The following NRXN3 variants were observed in gnomAD, a reference collection of about 807,000 sequenced individuals.
NRXN3 encodes the protein neurexin III.
Under a neutral mutation model 137.6 loss-of-function variants are expected in NRXN3, and 32 were observed. The ratio of observed to expected loss-of-function variants is 0.23; its 90% confidence interval spans 0.18 to 0.31. The LOEUF (loss-of-function observed/expected upper bound fraction) is 0.31. Ranked by LOEUF, NRXN3 falls within the 10% of genes least tolerant of loss-of-function variation. The pLI is 1.00. For missense variants in NRXN3, 1,574 were observed against 2,062.5 expected, an observed-to-expected ratio of 0.76 and a Z score of 4.59; for synonymous variants, 798 against 784.5, an observed-to-expected ratio of 1.02 and a Z score of -0.29.
intron 19 of NRXN3, among the ~76,000 whole-genome samples, chr14:79,713,734 CTTA>C (rs949832855): frequency 2.4e-4 from 36 of 150,462 alleles, no homozygotes; most frequent in Non-Finnish European, 4.1e-4. Context: ...CTTAAGAGCC[CTTA>C]TTTTTTTTTT....
At chr14:79,016,773 T>C (rs1217917427) in intron 15 of NRXN3, among the ~76,000 whole-genome samples, 1 of 152,228 alleles carries the variant, frequency 6.6e-6, no homozygotes, top group Non-Finnish European at 1.5e-5. Flanking sequence ...GCATTTCTTC[T>C]TACTCGCCAA....
intron 15 of NRXN3, among the ~76,000 whole-genome samples, chr14:79,282,743 T>C (rs549006331): frequency 6.6e-6 from 1 of 152,240 alleles, no homozygotes; most frequent in South Asian, 2.1e-4. Context: ...TAGAGTACAG[T>C]GAACTCCATC....
chr14:78,289,283 C>T (rs1180103793), intron 3 of NRXN3, among the ~76,000 whole-genome samples: 1 of 152,168 alleles, frequency 6.6e-6, no homozygotes, highest in Non-Finnish European at 1.5e-5. Context: ...GTAGTGGTGA[C>T]AGGCTATTGT....
chr14:79,036,754 G>A (rs936477460), intron 15 of NRXN3, among the ~76,000 whole-genome samples: 3 of 151,648 alleles, frequency 2.0e-5, no homozygotes, highest in African/African-American at 7.3e-5. Context: ...TACTCAAGAT[G>A]TATACTAAGA....
intron 16 of NRXN3, among the ~76,000 whole-genome samples, chr14:79,564,393 A>T (rs2097529259): frequency 6.6e-6 from 1 of 152,140 alleles, no homozygotes; most frequent in African/African-American, 2.4e-5. Flanking sequence ...CTTTAGTAGA[A>T]TGTGCTTTAT....
intron 11 of NRXN3, among the ~76,000 whole-genome samples, chr14:78,959,911 G>A (rs912389262): frequency 1.3e-5 from 2 of 152,046 alleles, no homozygotes; most frequent in African/African-American, 4.8e-5. Context: ...GATCTCTCCT[G>A]ACAGTGAGTT....
At chr14:79,510,796 G>A (rs970461523) in intron 16 of NRXN3, among the ~76,000 whole-genome samples, 7 of 152,158 alleles carry the variant, frequency 4.6e-5, no homozygotes, top group African/African-American at 1.7e-4. Context: ...TGAGAAATAA[G>A]TGCTGTTCCA....
intron 1 of NRXN3, among the ~76,000 whole-genome samples, chr14:78,194,279 AGGCT>A (rs2061026637): frequency 6.6e-6 from 1 of 152,128 alleles, no homozygotes; most frequent in Admixed American, 6.6e-5. Context: ...TTTACCATGG[AGGCT>A]CATATCTGGT....
At chr14:79,549,959 G>A (rs2097358125) in intron 16 of NRXN3, among the ~76,000 whole-genome samples, 1 of 113,340 alleles carries the variant, frequency 8.8e-6, no homozygotes, top group Admixed American at 8.8e-5. Context: ...CATATTGTTG[G>A]GTGTTTGTTT....
intron 10 of NRXN3, among the ~76,000 whole-genome samples, chr14:78,936,781 T>C (rs1478004719): frequency 2.6e-5 from 4 of 152,214 alleles, no homozygotes; most frequent in Admixed American, 2.6e-4. Flanking sequence ...TGTGTCTTGA[T>C]AGAGAGACCA....
chr14:79,388,653 G>C (rs776947856), intron 15 of NRXN3, among the ~76,000 whole-genome samples: 1 of 152,042 alleles, frequency 6.6e-6, no homozygotes, highest in African/African-American at 2.4e-5. Context: ...AGGGACTCCA[G>C]TTCATCATAT....
intron 1 of NRXN3, among the ~76,000 whole-genome samples, chr14:78,179,596 C>T (rs1303992782): frequency 1.3e-5 from 2 of 152,034 alleles, no homozygotes; most frequent in Admixed American, 1.3e-4. Context: ...GCTGCCTCTT[C>T]CCCTGGCTCC....
chr14:79,219,457 A>G (rs2069135409), intron 15 of NRXN3, among the ~76,000 whole-genome samples: 1 of 152,116 alleles, frequency 6.6e-6, no homozygotes, highest in Non-Finnish European at 1.5e-5. Context: ...TCATAATGTT[A>G]TCATTACCAT....
intron 1 of NRXN3, among the ~76,000 whole-genome samples, chr14:78,224,868 G>A (rs1475638629): frequency 7.3e-5 from 10 of 137,338 alleles, no homozygotes; most frequent in South Asian, 2.4e-4. Flanking sequence ...CCAGGTTCAC[G>A]CCATTCTCCT....
intron 15 of NRXN3, among the ~76,000 whole-genome samples, chr14:79,007,343 T>C (rs777805959): frequency 1.3e-5 from 2 of 151,952 alleles, no homozygotes; most frequent in Non-Finnish European, 2.9e-5. Context: ...ATGATGAGGG[T>C]TGTCGTTTCT....
At chr14:79,565,098 A>C (rs778221119) in intron 16 of NRXN3, among the ~76,000 whole-genome samples, 2 of 151,924 alleles carry the variant, frequency 1.3e-5, no homozygotes, top group Non-Finnish European at 2.9e-5. Flanking sequence ...CATTAAATTA[A>C]TATTATTGAA....
chr14:79,002,676 C>A (rs1251396394), intron 15 of NRXN3, among the ~76,000 whole-genome samples: 1 of 152,130 alleles, frequency 6.6e-6, no homozygotes, highest in African/African-American at 2.4e-5. Flanking sequence ...CTGCAATGAA[C>A]ATACGCATGC....
chr14:79,162,472 T>C (rs1468893008), intron 15 of NRXN3, among the ~76,000 whole-genome samples: 1 of 151,916 alleles, frequency 6.6e-6, no homozygotes, highest in Non-Finnish European at 1.5e-5. Flanking sequence ...GGACGTGAAC[T>C]CATCATTTTT....
At chr14:79,050,396 A>G (rs2099640151) in intron 15 of NRXN3, among the ~76,000 whole-genome samples, 2 of 152,194 alleles carry the variant, frequency 1.3e-5, no homozygotes, top group East Asian at 1.9e-4. Flanking sequence ...CACTTGAACC[A>G]CCAGTTAATG....
Sources: allele counts gnomAD v4.1 joint callset (sites outside exome capture counted in the v4.1 genomes callset), GRCh38; gene constraint gnomAD v4.1.1; transcripts MANE v1.5; gene names NCBI Gene and HGNC (gene_info 2026-07-23, HGNC 2026-07-21).